NHS: variants seen among roughly 807,000 people sequenced by gnomAD.
The protein encoded by NHS is actin remodeling regulator NHS.
In NHS, 5 loss-of-function variants were observed where a neutral mutation model predicts 72.5. The ratio of observed to expected loss-of-function variants is 0.07; its 90% CI spans 0.04 to 0.14. The LOEUF (loss-of-function observed/expected upper bound fraction) is 0.14. Among genes scored for constraint, NHS ranks in the 10% least tolerant of loss-of-function variants. The pLI is 1.00. For missense variants in NHS, 1,072 were observed against 1,355.7 expected, an observed-to-expected ratio of 0.79 and a Z score of 3.29; for synonymous variants, 464 against 547.7, an observed-to-expected ratio of 0.85 and a Z score of 2.13.
At chrX:17,618,976 G>A (rs138044944) in intron 1 of NHS, among the ~76,000 whole-genome samples, 1,188 of 112,012 alleles carry the variant, frequency 0.011, 15 homozygotes, top group Non-Finnish European at 0.018. Flanking sequence ...ACACTGTTAG[G>A]TGTCCTTATG....
intron 1 of NHS, among the ~76,000 whole-genome samples, chrX:17,566,690 T>G (rs1477215535): frequency 9.5e-6 from 1 of 105,161 alleles, no homozygotes. Flanking sequence ...CATTTGTTTG[T>G]TTTTTTTTTT....
chrX:17,559,763 G>A (rs986225953), intron 1 of NHS, among the ~76,000 whole-genome samples: 31 of 111,617 alleles, frequency 2.8e-4, no homozygotes, highest in African/African-American at 9.8e-4. Context: ...ACTTAATAAT[G>A]GGAACCAAGG....
intron 1 of NHS, among the ~76,000 whole-genome samples, chrX:17,624,570 C>CT (rs2065788700): frequency 8.8e-6 from 1 of 113,227 alleles, no homozygotes; most frequent in African/African-American, 3.2e-5. Context: ...TCTTTTGTGT[C>CT]TAGCTTTTAC....
At chrX:17,623,280 T>C (rs1469228085) in intron 1 of NHS, among the ~76,000 whole-genome samples, 5 of 111,535 alleles carry the variant, frequency 4.5e-5, no homozygotes, top group Non-Finnish European at 9.4e-5. Flanking sequence ...TGTTGTTGGC[T>C]TTCCAAGCAG....
At chrX:17,579,373 C>T (rs1345360006) in intron 1 of NHS, among the ~76,000 whole-genome samples, 4 of 111,168 alleles carry the variant, frequency 3.6e-5, no homozygotes, top group African/African-American at 1.3e-4. Flanking sequence ...TTTCTGTAGG[C>T]ATTTTTTCCT....
At chrX:17,486,258 A>C (rs1264423543) in intron 1 of NHS, among the ~76,000 whole-genome samples, 9 of 112,228 alleles carry the variant, frequency 8.0e-5, no homozygotes, top group Non-Finnish European at 5.6e-5. Context: ...GTGATTTTTA[A>C]GATTTAACAT....
intron 1 of NHS, among the ~76,000 whole-genome samples, chrX:17,680,411 G>T (rs2066120057): frequency 8.9e-6 from 1 of 112,255 alleles, no homozygotes; most frequent in African/African-American, 3.2e-5. Flanking sequence ...TGAAAGGAGT[G>T]GCCTAAACAG....
At chrX:17,541,266 A>G (rs761148636) in intron 1 of NHS, among the ~76,000 whole-genome samples, 1 of 112,158 alleles carries the variant, frequency 8.9e-6, no homozygotes, top group Admixed American at 9.4e-5. Context: ...GTTGAGAGTC[A>G]AACTCAGATA....
chrX:17,641,094 G>C (rs1332758830), intron 1 of NHS, among the ~76,000 whole-genome samples: 2 of 112,342 alleles, frequency 1.8e-5, no homozygotes, highest in Non-Finnish European at 3.8e-5. Context: ...TCTCCACTGA[G>C]TTTCTAGTTG....
chrX:17,670,356 T>C (rs2066036792), intron 1 of NHS, among the ~76,000 whole-genome samples: 2 of 112,795 alleles, frequency 1.8e-5, no homozygotes, highest in South Asian at 7.4e-4. Context: ...TAGGTTCCAA[T>C]TGCCTTCTCT....
rs187995216 is a variant in NHS at position 17,408,257 on chromosome X, C to T, written c.565+31935C>T. Among the ~76,000 whole-genome samples the T allele has an allele frequency of 1.4e-3, 158 of 111,403 alleles. 1 individual carries two copies. Among genetic ancestry groups the T allele is most frequent in the African/African-American group, 4.7e-3 (145 of 30,582 alleles). On this transcript the variant is annotated intron_variant, in intron 1 of 8. Coordinates refer to ENST00000676302, the MANE Select transcript of NHS (RefSeq NM_001291867.2). The stretch of plus-strand genomic sequence containing the variant: ...CTGGGCTCAAGCGACTCTCCCACCT[C>T]GGCCTCCCAAAGTTCTGGGGTTACA...
intron 1 of NHS, among the ~76,000 whole-genome samples, chrX:17,446,677 A>G (rs1198305621): frequency 1.8e-5 from 2 of 111,027 alleles, no homozygotes; most frequent in African/African-American, 6.5e-5. Flanking sequence ...AAAAATCAAT[A>G]AAATAAAACT....
At chrX:17,536,633 C>G (rs1308725671) in intron 1 of NHS, among the ~76,000 whole-genome samples, 1 of 112,447 alleles carries the variant, frequency 8.9e-6, no homozygotes, top group Non-Finnish European at 1.9e-5. Flanking sequence ...GGGATTTTCT[C>G]TTTCTTACAG....
chrX:17,380,314 C>T (rs752649178), intron 1 of NHS, among the ~76,000 whole-genome samples: 11 of 109,158 alleles, frequency 1.0e-4, no homozygotes, highest in South Asian at 4.0e-4. Flanking sequence ...TGGAGATGAA[C>T]GCCAAATCAG....
intron 5 of NHS, 127 bp downstream of exon 5, chrX:17,721,760 A>T (rs745422062): frequency 4.7e-5 from 27 of 571,496 alleles, no homozygotes; most frequent in Middle Eastern, 1.1e-3. Flanking sequence ...ATCAAAATAC[A>T]AACCCAGAGG....
chrX:17,604,862 T>G (rs1047447878), intron 1 of NHS, among the ~76,000 whole-genome samples: 10 of 111,979 alleles, frequency 8.9e-5, no homozygotes, highest in Admixed American at 7.6e-4. Context: ...ATTAGATAAA[T>G]GACCAAATCA....
At chrX:17,534,453 G>A (rs761924569) in intron 1 of NHS, among the ~76,000 whole-genome samples, 1 of 110,895 alleles carries the variant, frequency 9.0e-6, no homozygotes, top group African/African-American at 3.3e-5. Context: ...GTGGATTTTT[G>A]TGTTGCTGTA....
intron 1 of NHS, among the ~76,000 whole-genome samples, chrX:17,659,850 C>T (rs2065974449): frequency 8.9e-6 from 1 of 111,788 alleles, no homozygotes; most frequent in Non-Finnish European, 1.9e-5. Flanking sequence ...AACTGAGGCA[C>T]AGAGAGAATA....
Position 17,546,660 on chromosome X carries a change from C to G in NHS, c.566-141082C>G, listed in dbSNP as rs745705538. Among the ~76,000 whole-genome samples the G allele has an allele frequency of 5.3e-5, 6 of 112,355 alleles. No individual in the cohort carries two copies. The South Asian group carries it at 2.2e-3, about 42-fold the overall frequency. On this transcript the variant is annotated intron_variant, in intron 1 of 8. Transcript: ENST00000676302. ...GGAGCTCACACCACACCTGTACACA[C>G]ATGGCACACACATGCACACATATAT... is the stretch of plus-strand genomic sequence containing the variant.
Sources: allele counts gnomAD v4.1 joint callset (sites outside exome capture counted in the v4.1 genomes callset), GRCh38; gene constraint gnomAD v4.1.1; transcripts MANE v1.5; gene names NCBI Gene and HGNC (gene_info 2026-07-23, HGNC 2026-07-21).